CPED1: variants seen among roughly 807,000 people sequenced by gnomAD.
CPED1 encodes the protein cadherin-like and PC-esterase domain-containing protein 1.
CPED1 carries 114 observed loss-of-function variants against 128.2 expected under a neutral mutation model. That is an observed-to-expected ratio of 0.89 (90% CI 0.76 to 1.04). CPED1 has a LOEUF of 1.04. Among genes scored for constraint, CPED1 ranks in the 50% least tolerant of loss-of-function variants. The pLI, the probability that CPED1 is intolerant of heterozygous loss-of-function variation, is 0.00. For synonymous variants in CPED1, 462 were observed against 426.7 expected (o/e 1.08, Z -1.02); for missense variants, 1,211 against 1,207.1 (o/e 1.00, Z -0.05).
At chr7:121,127,671 G>A (rs1795539836) in intron 10 of CPED1, among the ~76,000 whole-genome samples, 1 of 151,590 alleles carries the variant, frequency 6.6e-6, no homozygotes, top group Non-Finnish European at 1.5e-5. Flanking sequence ...AAGTAGCTGG[G>A]ACTACAGGCA....
chr7:121,031,249 A>C (rs576624713), intron 3 of CPED1, among the ~76,000 whole-genome samples: 7 of 152,220 alleles, frequency 4.6e-5, no homozygotes, highest in Admixed American at 1.3e-4. Context: ...TTGAGTTATA[A>C]TACAAAATTA....
At chr7:120,996,477 C>A (rs1434096455) in intron 2 of CPED1, among the ~76,000 whole-genome samples, 5 of 152,080 alleles carry the variant, frequency 3.3e-5, no homozygotes, top group Admixed American at 3.3e-4. Context: ...TTAGTCTCAA[C>A]CAGCTTGCAT....
chr7:121,161,345 A>G (rs1214390488), intron 16 of CPED1, among the ~76,000 whole-genome samples: 3 of 152,170 alleles, frequency 2.0e-5, no homozygotes, highest in Non-Finnish European at 4.4e-5. Context: ...CTGCCAGTCC[A>G]GGACTGCTCT....
chr7:121,209,060 C>T (rs371842508), intron 16 of CPED1, among the ~76,000 whole-genome samples: 4 of 151,882 alleles, frequency 2.6e-5, no homozygotes, highest in Non-Finnish European at 5.9e-5. Flanking sequence ...TGTTGTTGTG[C>T]CAGATAGATG....
chr7:121,052,752 C>G (rs1793391137), intron 4 of CPED1, among the ~76,000 whole-genome samples: 2 of 152,078 alleles, frequency 1.3e-5, no homozygotes, highest in Non-Finnish European at 2.9e-5. Flanking sequence ...GACAGAGTCT[C>G]ACTCTGTCTC....
At position 121,127,140 on chromosome 7, in the gene CPED1, C is replaced by A. The variant is rs138420997; in HGVS notation, c.1185C>A (p.Asp395Glu). ...ATTATGATAATATGGATTTTGAGGACCAAAATACAGAAGAATTCCTTTTAA... is the reference window on the plus strand; with the variant it reads ...ATTATGATAATATGGATTTTGAGGAACAAAATACAGAAGAATTCCTTTTAA... ...FQDYDNMDFE[D>E]QNTEEFLLND... is the part of the protein sequence containing the mutation. The change falls in exon 10 of 23, where the codon GAC becomes GAA. Residue 395 changes from aspartate (D) to glutamate (E), a missense_variant. Transcript: ENST00000310396. 3.6e-5 allele frequency: 57 copies of A among 1,598,270 alleles called. No individual in the cohort carries two copies. In the African/African-American group the frequency reaches 6.8e-4, roughly 19 times the overall value.
intron 7 of CPED1, among the ~76,000 whole-genome samples, chr7:121,107,150 T>A (rs1794996706): frequency 6.6e-6 from 1 of 152,136 alleles, no homozygotes; most frequent in Non-Finnish European, 1.5e-5. Flanking sequence ...AAATGGACCA[T>A]GAATTAAGGC....
chr7:121,227,773 T>C (rs140479573), intron 16 of CPED1, among the ~76,000 whole-genome samples: 234 of 152,228 alleles, frequency 1.5e-3, no homozygotes, highest in Non-Finnish European at 2.6e-3. Context: ...ATGCCAGGCA[T>C]GTAATAAATG....
chr7:121,060,798 T>C (rs1793643669), intron 4 of CPED1, among the ~76,000 whole-genome samples: 1 of 152,212 alleles, frequency 6.6e-6, no homozygotes, highest in East Asian at 1.9e-4. Flanking sequence ...CCGGTCCCTT[T>C]TCACGTTGTG....
chr7:121,245,582 C>G (rs1026580057), intron 18 of CPED1, among the ~76,000 whole-genome samples: 1 of 152,068 alleles, frequency 6.6e-6, no homozygotes, highest in Non-Finnish European at 1.5e-5. Flanking sequence ...TGTATTTATT[C>G]CTAATTGCAG....
chr7:121,172,141 A>T (rs1370013866), intron 16 of CPED1, among the ~76,000 whole-genome samples: 2 of 152,178 alleles, frequency 1.3e-5, no homozygotes, highest in Admixed American at 6.5e-5. Context: ...GGTAAGTCCC[A>T]GTTCTCTCTG....
At chr7:121,204,818 G>A (rs1020962261) in intron 16 of CPED1, among the ~76,000 whole-genome samples, 1 of 152,056 alleles carries the variant, frequency 6.6e-6, no homozygotes, top group African/African-American at 2.4e-5. Flanking sequence ...AAATAATAGA[G>A]GATTATATAG....
At chr7:121,050,425 T>G (rs1316652260) in intron 4 of CPED1, 1 of 159,272 alleles carries the variant, frequency 6.3e-6, no homozygotes, top group South Asian at 1.8e-4. Context: ...TGAGGTCACA[T>G]TGGCATTAGT....
At chr7:121,024,846 C>A (rs1792534801) in intron 3 of CPED1, among the ~76,000 whole-genome samples, 1 of 152,154 alleles carries the variant, frequency 6.6e-6, no homozygotes, top group Non-Finnish European at 1.5e-5. Context: ...GATAAACAAA[C>A]TCCTTCATAC....
At chr7:121,085,510 C>T (rs992619188) in intron 5 of CPED1, among the ~76,000 whole-genome samples, 1 of 151,998 alleles carries the variant, frequency 6.6e-6, no homozygotes, top group East Asian at 1.9e-4. Flanking sequence ...AGCTTTTGAC[C>T]TAAACCCTGG....
chr7:121,093,758 T>G (rs948651462), intron 5 of CPED1, among the ~76,000 whole-genome samples: 1 of 152,148 alleles, frequency 6.6e-6, no homozygotes, highest in Non-Finnish European at 1.5e-5. Context: ...ATAACAATGC[T>G]TTTGCCTGGT....
At chr7:121,243,764 C>T (rs142785855) in intron 17 of CPED1, among the ~76,000 whole-genome samples, 154 of 152,078 alleles carry the variant, frequency 1.0e-3, no homozygotes, top group African/African-American at 3.6e-3. Flanking sequence ...ATCTTAAATC[C>T]CTTGAGAGCA....
chr7:121,102,319 C>T (rs968345129), intron 7 of CPED1, among the ~76,000 whole-genome samples: 2 of 151,990 alleles, frequency 1.3e-5, no homozygotes, highest in East Asian at 1.9e-4. Flanking sequence ...CTATTTTGTC[C>T]TTTGAGCTTA....
intron 5 of CPED1, among the ~76,000 whole-genome samples, chr7:121,080,749 A>G (rs772291520): frequency 9.9e-5 from 15 of 152,092 alleles, no homozygotes; most frequent in Non-Finnish European, 2.1e-4. Flanking sequence ...CCAGAGAGAA[A>G]GAGATTGAGA....
Sources: allele counts gnomAD v4.1 joint callset (sites outside exome capture counted in the v4.1 genomes callset), GRCh38; gene constraint gnomAD v4.1.1; transcripts MANE v1.5; gene names NCBI Gene and HGNC (gene_info 2026-07-23, HGNC 2026-07-21).